Variants in FAM83D observed in about 807,000 individuals in gnomAD.
FAM83D encodes scaffolding CK1 anchoring protein D.
In FAM83D, 26 loss-of-function variants were observed where a neutral mutation model predicts 25.4. That is an observed-to-expected ratio of 1.02 (90% CI 0.75 to 1.42). The LOEUF is 1.42. Ranked by LOEUF, FAM83D falls within the 40% of genes most tolerant of loss-of-function variation. FAM83D has a pLI of 0.00. For synonymous variants in FAM83D, 310 were observed against 318.5 expected (o/e 0.97, Z 0.28); for missense variants, 740 against 758.1 (o/e 0.98, Z 0.28).
In FAM83D at chr20:38,952,232, C is replaced by T. The variant is rs767663930; in HGVS notation, c.1470C>T (p.Ser490=). 29 of 1,614,064 alleles carry T rather than the reference C, an allele frequency of 1.8e-5. No individual in the cohort carries two copies. In the African/African-American group the frequency reaches 3.6e-4, roughly 20 times the overall value. Residue 490 remains serine (S), a synonymous_variant, in exon 4 of 4, where the codon TCC becomes TCT. Transcript: ENST00000619850. The stretch of plus-strand genomic sequence containing the variant: ...CTTCCCAAGGCTCTGTGGCAAGCTC[C>T]ACTGGTTCTCCCGCTTCCATCAGAA... ...SVSSQGSVAS[S]TGSPASIRTT...
At chr20:38,927,498 C>CTT (rs1173092369) in intron 1 of FAM83D, among the ~76,000 whole-genome samples, 13,317 of 101,170 alleles carry the variant, frequency 0.13, 1,137 homozygotes, top group African/African-American at 0.19. Flanking sequence ...TCTTTCTTGT[C>CTT]TTTTTTTTTT....
chr20:38,949,604 AC>A (rs2085744173), intron 3 of FAM83D, among the ~76,000 whole-genome samples: 1 of 152,226 alleles, frequency 6.6e-6, no homozygotes, highest in South Asian at 2.1e-4. Context: ...TACTTCTGGT[AC>A]AAATACCACC....
At chr20:38,933,427 A>G (rs2085666050) in intron 1 of FAM83D, among the ~76,000 whole-genome samples, 1 of 152,250 alleles carries the variant, frequency 6.6e-6, no homozygotes, top group Non-Finnish European at 1.5e-5. Flanking sequence ...TTTTACCACA[A>G]TAAAAAAATG....
At position 38,929,179 on chromosome 20, in the gene FAM83D, G is replaced by GAA. The variant is rs60923362; in HGVS notation, c.483+2272_483+2273dup. Among the ~76,000 whole-genome samples the GAA allele has an allele frequency of 3.4e-3, 432 of 126,936 alleles. 1 individual carries two copies. Among genetic ancestry groups the GAA allele is most frequent in the Non-Finnish European group, 5.6e-3 (339 of 60,446 alleles). 83.3% of individuals were successfully genotyped at this position (126,936 alleles called of 152,430 possible). On this transcript the variant is annotated intron_variant, in intron 1 of 3. Coordinates refer to ENST00000619850, the MANE Select transcript of FAM83D (RefSeq NM_030919.3). The stretch of plus-strand genomic sequence containing the variant: ...GGCGACAGAGCAAGACTCCCTCTCG[G>GAA]AAAAAAAAAAAAAAAAAAATCCAAT...
intron 1 of FAM83D, among the ~76,000 whole-genome samples, chr20:38,940,605 C>T (rs867343917): frequency 2.0e-5 from 3 of 152,188 alleles, no homozygotes; most frequent in Admixed American, 6.5e-5. Context: ...CTTATATCTC[C>T]AGACTACAGA....
chr20:38,948,592 C>A (rs767704874), intron 3 of FAM83D, among the ~76,000 whole-genome samples: 2 of 152,184 alleles, frequency 1.3e-5, no homozygotes, highest in East Asian at 3.8e-4. Flanking sequence ...GGATAATGAG[C>A]GGTTTACATG....
At chr20:38,949,361 C>G (rs1267403419) in intron 3 of FAM83D, among the ~76,000 whole-genome samples, 1 of 151,946 alleles carries the variant, frequency 6.6e-6, no homozygotes, top group Admixed American at 6.6e-5. Flanking sequence ...TGTTTCGCCA[C>G]GTTGGCCAGG....
intron 1 of FAM83D, among the ~76,000 whole-genome samples, chr20:38,934,840 G>A (rs2085672217): frequency 6.6e-6 from 1 of 152,170 alleles, no homozygotes; most frequent in African/African-American, 2.4e-5. Flanking sequence ...ACTGACCAGT[G>A]TAGTAGCCAT....
In FAM83D at chr20:38,926,628, C is replaced by G. The variant is rs775538014; in HGVS notation, c.186C>G (p.Pro62=). 85 of 1,540,008 alleles carry G rather than the reference C, an allele frequency of 5.5e-5. No homozygotes were observed. The highest frequency in any genetic ancestry group is 1.9e-4 in the South Asian group (16 of 84,834). The change falls in exon 1 of 4, where the codon CCC becomes CCG. Residue 62 remains proline (P), a synonymous_variant. Transcript: ENST00000619850. ...AGCGCCTGGCTCGTTTCCTGAACCC[C>G]GATGAGGTGCACGCCATTCTGCGCG... ...RRERLARFLN[P]DEVHAILRAA...
At chr20:38,940,209 C>T (rs1568697431) in intron 1 of FAM83D, among the ~76,000 whole-genome samples, 1 of 152,078 alleles carries the variant, frequency 6.6e-6, no homozygotes, top group African/African-American at 2.4e-5. Context: ...ACAGCTTAGA[C>T]CATCATTAAA....
At chr20:38,951,252 C>T (rs1235916850) in intron 3 of FAM83D, among the ~76,000 whole-genome samples, 1 of 152,152 alleles carries the variant, frequency 6.6e-6, no homozygotes, top group Non-Finnish European at 1.5e-5. Context: ...GCCTGAGCAA[C>T]ATAGCAAGAC....
intron 2 of FAM83D, among the ~76,000 whole-genome samples, chr20:38,946,008 G>A (rs976883300): frequency 6.6e-6 from 1 of 151,850 alleles, no homozygotes; most frequent in Non-Finnish European, 1.5e-5. Flanking sequence ...AGGAGTTTGA[G>A]ACCAGCTTGG....
At position 38,942,103 on chromosome 20, in the gene FAM83D, A is replaced by G; in HGVS notation, c.628A>G (p.Lys210Glu). The stretch of plus-strand genomic sequence containing the variant: ...ATTTCTGGATATGTGCATGGATCTG[A>G]AAGTTCATCCTGAACAGGAAAAGGT... ...SQFLDMCMDL[K>E]VHPEQEKLMT... The change falls in exon 2 of 4, where the codon AAA becomes GAA. Residue 210 changes from lysine (K) to glutamate (E), a missense_variant. Around this residue, in one of 3 missense-constraint regions of FAM83D, gnomAD observed 333 missense variants for 298.6 expected, o/e 1.12. Coordinates refer to ENST00000619850, the MANE Select transcript of FAM83D (RefSeq NM_030919.3). The G allele has an allele frequency of 6.2e-7, 1 of 1,614,238 alleles. No individual in the cohort carries two copies. The highest frequency in any genetic ancestry group is 2.2e-5 in the East Asian group (1 of 44,886).
chr20:38,951,590 T>C lies in FAM83D; in HGVS notation c.828T>C (p.Ser276=). The C allele has an allele frequency of 2.5e-6, 4 of 1,614,172 alleles. No individual in the cohort carries two copies. The highest frequency in any genetic ancestry group is 3.4e-6 in the Non-Finnish European group (4 of 1,180,012). ...KLNSSNLVIL[S]GQVVEHFDLE... ...ACAGCAGTAACTTGGTAATTCTGTC[T>C]GGCCAAGTGGTTGAACACTTTGATC... Residue 276 remains serine, a synonymous_variant, in exon 4 of 4, where the codon TCT becomes TCC. Coordinates refer to ENST00000619850, the MANE Select transcript of FAM83D (RefSeq NM_030919.3).
chr20:38,946,379 A>G (rs1381536840), intron 2 of FAM83D, among the ~76,000 whole-genome samples: 1 of 152,156 alleles, frequency 6.6e-6, no homozygotes, highest in Non-Finnish European at 1.5e-5. Flanking sequence ...CAGAAGTTGC[A>G]AAGATTGTAC....
chr20:38,941,905 T>C (rs1182600766), intron 1 of FAM83D, 54 bp from the exon 2 acceptor site: 2 of 1,575,178 alleles, frequency 1.3e-6, no homozygotes, highest in African/African-American at 2.7e-5. Context: ...GAGAGCGTGC[T>C]GTAAGGTGGT....
chr20:38,947,750 A>G (rs2085734235), intron 2 of FAM83D, 126 bp from the exon 3 acceptor site: 1 of 1,138,046 alleles, frequency 8.8e-7, no homozygotes, highest in Non-Finnish European at 1.3e-6. Context: ...TGGTGACCCT[A>G]AGCCACGCAT....
At chr20:38,932,570 A>G (rs144688117) in intron 1 of FAM83D, among the ~76,000 whole-genome samples, 173 of 152,330 alleles carry the variant, frequency 1.1e-3, no homozygotes, top group African/African-American at 3.9e-3. Flanking sequence ...TATTTTCCCT[A>G]CATACTTGCT....
chr20:38,948,764 C>T (rs561215086), intron 3 of FAM83D, among the ~76,000 whole-genome samples: 9 of 152,160 alleles, frequency 5.9e-5, no homozygotes, highest in African/African-American at 1.4e-4. Context: ...GTGATAATTA[C>T]GTGTCAGCCC....
Sources: allele counts gnomAD v4.1 joint callset (sites outside exome capture counted in the v4.1 genomes callset), GRCh38; gene constraint gnomAD v4.1.1; regional missense constraint gnomAD v4.1.1; transcripts MANE v1.5; gene names NCBI Gene and HGNC (gene_info 2026-07-23, HGNC 2026-07-21).